Variants in IQCM observed in about 807,000 individuals in gnomAD.
IQCM encodes the protein IQ motif containing M, also known as IQ domain-containing protein M.
IQCM carries 45 observed loss-of-function variants against 57.6 expected under a neutral mutation model. The observed-to-expected ratio is 0.78, with a 90% CI of 0.62 to 1.00. IQCM has a LOEUF of 1.00. Ranked by LOEUF, IQCM falls within the 50% of genes least tolerant of loss-of-function variation. IQCM has a pLI of 0.00. For missense variants in IQCM, 468 were observed against 511.6 expected (o/e 0.91, Z 0.82); for synonymous variants, 148 against 158.9 (o/e 0.93, Z 0.51).
chr4:149,518,032 T>C (rs973483102), intron 12 of IQCM, among the ~76,000 whole-genome samples: 11 of 152,220 alleles, frequency 7.2e-5, no homozygotes, highest in Non-Finnish European at 1.2e-4. Flanking sequence ...TTGAGGTATG[T>C]TGTTATAGTA....
chr4:149,736,564 T>A (rs1269998191), intron 3 of IQCM, among the ~76,000 whole-genome samples: 4 of 152,050 alleles, frequency 2.6e-5, no homozygotes, highest in Non-Finnish European at 5.9e-5. Flanking sequence ...ACTATGAAGG[T>A]TTTCTCTACT....
chr4:149,578,378 T>C (rs1451164535), intron 9 of IQCM, among the ~76,000 whole-genome samples: 3 of 151,790 alleles, frequency 2.0e-5, no homozygotes, highest in South Asian at 2.1e-4. Context: ...AATATTACCA[T>C]TGAGGTCAAC....
intron 12 of IQCM, among the ~76,000 whole-genome samples, chr4:149,505,778 T>C (rs1743747927): frequency 6.6e-6 from 1 of 152,194 alleles, no homozygotes; most frequent in South Asian, 2.1e-4. Flanking sequence ...ATTCTCTATC[T>C]AGAAAATCAA....
intron 13 of IQCM, among the ~76,000 whole-genome samples, chr4:149,352,356 T>C (rs1224864830): frequency 6.6e-6 from 1 of 152,186 alleles, no homozygotes; most frequent in African/African-American, 2.4e-5. Context: ...GGTTCCCTGG[T>C]AATGGATTCA....
chr4:149,458,654 C>CG lies in IQCM; in HGVS notation c.1229-25098_1229-25097insC, dbSNP rs572740888. 4.5e-4 allele frequency among the ~76,000 whole-genome samples: 68 copies of CG among 151,904 alleles called. 1 individual carries two copies. In the East Asian group the frequency reaches 0.013, roughly 29 times the overall value. Reference sequence around the variant, plus strand: ...GGGAAAAGATTAAAAAGGAGAAATCCTAACTATTTTACCCAATGTTCTTAT... The same window carrying CG: ...GGGAAAAGATTAAAAAGGAGAAATCCGTAACTATTTTACCCAATGTTCTTAT... On this transcript the variant is annotated intron_variant, in intron 12 of 13. Transcript: ENST00000636793.
intron 13 of IQCM, among the ~76,000 whole-genome samples, chr4:149,411,629 C>T (rs1733388257): frequency 6.6e-6 from 1 of 152,060 alleles, no homozygotes; most frequent in Non-Finnish European, 1.5e-5. Flanking sequence ...AGATGTTTTT[C>T]ACTAGGTTAA....
chr4:149,750,589 C>G (rs561104265), intron 2 of IQCM, among the ~76,000 whole-genome samples: 5 of 152,276 alleles, frequency 3.3e-5, no homozygotes, highest in African/African-American at 1.2e-4. Context: ...TATGCCTTCA[C>G]TGATAATTGT....
intron 12 of IQCM, among the ~76,000 whole-genome samples, chr4:149,439,097 C>T (rs1045020213): frequency 1.3e-5 from 2 of 151,954 alleles, no homozygotes; most frequent in Non-Finnish European, 2.9e-5. Context: ...TTCTTCACTA[C>T]ACATTTAAAT....
At chr4:149,800,928 T>C (rs1037175073) in intron 2 of IQCM, among the ~76,000 whole-genome samples, 1 of 151,838 alleles carries the variant, frequency 6.6e-6, no homozygotes, top group African/African-American at 2.4e-5. Context: ...ACAAATTCAA[T>C]GCAATCCCTA....
rs1765407733 is a variant in IQCM at position 149,721,093 on chromosome 4, T to A, written c.385+12151A>T. On this transcript the variant is annotated intron_variant, in intron 5 of 13. Transcript: ENST00000636793. ...TTCTGTAGATTCAGCATCTACTGAT[T>A]CAACTAATGGCAGGTTGAAAATATT... 2.6e-5 allele frequency among the ~76,000 whole-genome samples: 4 copies of A among 152,266 alleles called. No homozygotes were observed. In the South Asian group the frequency reaches 6.2e-4, roughly 24 times the overall value.
chr4:149,511,467 G>A (rs1486540368), intron 12 of IQCM, among the ~76,000 whole-genome samples: 1 of 152,006 alleles, frequency 6.6e-6, no homozygotes, highest in African/African-American at 2.4e-5. Flanking sequence ...GGCAGAGGTT[G>A]CAGTGAGCTG....
chr4:149,443,026 AGTTGT>A (rs1372944682), intron 12 of IQCM, among the ~76,000 whole-genome samples: 1 of 150,528 alleles, frequency 6.6e-6, no homozygotes, highest in Non-Finnish European at 1.5e-5. Flanking sequence ...AGGTTTATGC[AGTTGT>A]GTGCTTGACT....
At chr4:149,505,987 A>G (rs1229075346) in intron 12 of IQCM, among the ~76,000 whole-genome samples, 3 of 152,232 alleles carry the variant, frequency 2.0e-5, no homozygotes, top group Non-Finnish European at 4.4e-5. Flanking sequence ...AAGGCTTTCT[A>G]AAAGGGGAAT....
At position 149,501,098 on chromosome 4, in the gene IQCM, C is replaced by T. The variant is rs563770853; in HGVS notation, c.1228+47357G>A. On this transcript the variant is annotated intron_variant, in intron 12 of 13. Transcript: ENST00000636793. ...TCCCTTCCATATTTTGGCTTGCTCACATGCGGTTACTTCCCTCTTCAGTGA... is the reference window on the plus strand; with the variant it reads ...TCCCTTCCATATTTTGGCTTGCTCATATGCGGTTACTTCCCTCTTCAGTGA... 2.5e-4 allele frequency among the ~76,000 whole-genome samples: 38 copies of T among 152,288 alleles called. No individual in the cohort carries two copies. In the Middle Eastern group the frequency reaches 0.01, roughly 41 times the overall value.
chr4:149,616,595 T>C (rs929194755), intron 8 of IQCM, among the ~76,000 whole-genome samples: 17 of 152,138 alleles, frequency 1.1e-4, no homozygotes, highest in African/African-American at 2.7e-4. Flanking sequence ...ATATATGTTA[T>C]GTATATTTTA....
At chr4:149,360,082 T>C (rs1478391956) in intron 13 of IQCM, among the ~76,000 whole-genome samples, 1 of 152,056 alleles carries the variant, frequency 6.6e-6, no homozygotes, top group East Asian at 1.9e-4. Flanking sequence ...AAGCACTACC[T>C]AACACAGTAT....
At chr4:149,624,278 A>C (rs1246398315) in intron 7 of IQCM, among the ~76,000 whole-genome samples, 1 of 152,202 alleles carries the variant, frequency 6.6e-6, no homozygotes, top group Non-Finnish European at 1.5e-5. Flanking sequence ...ACTGAAATAA[A>C]TACATAAAGA....
chr4:149,488,963 T>A (rs551694909), intron 12 of IQCM, among the ~76,000 whole-genome samples: 18 of 152,150 alleles, frequency 1.2e-4, no homozygotes, highest in Non-Finnish European at 1.3e-4. Context: ...ATTTAAGATA[T>A]TTTTACTAAA....
At chr4:149,488,743 T>A (rs745413436) in intron 12 of IQCM, among the ~76,000 whole-genome samples, 89 of 152,106 alleles carry the variant, frequency 5.9e-4, no homozygotes, top group Non-Finnish European at 1.0e-3. Context: ...ACAATTTTTT[T>A]AAGTAAATTC....
Sources: allele counts gnomAD v4.1 joint callset (sites outside exome capture counted in the v4.1 genomes callset), GRCh38; gene constraint gnomAD v4.1.1; transcripts MANE v1.5; gene names NCBI Gene and HGNC (gene_info 2026-07-23, HGNC 2026-07-21).